Variants in GTF2H1 observed in about 807,000 individuals in gnomAD.
The protein encoded by GTF2H1 is general transcription factor IIH subunit 1.
A neutral mutation model predicts 71.2 loss-of-function variants in GTF2H1; 16 were observed. The observed-to-expected ratio is 0.22, with a 90% CI of 0.15 to 0.34. The LOEUF is 0.34. Among genes scored for constraint, GTF2H1 ranks in the 10% least tolerant of loss-of-function variants. The pLI is 1.00. For synonymous variants in GTF2H1, 215 were observed against 219.0 expected (o/e 0.98, Z 0.16); for missense variants, 498 against 648.2 (o/e 0.77, Z 2.52).
chr11:18,346,733 C>CTTTTTTTTTTTTT lies in GTF2H1; in HGVS notation c.838-845_838-833dup, dbSNP rs35494754. Among the ~76,000 whole-genome samples the CTTTTTTTTTTTTT allele has an allele frequency of 4.2e-3, 358 of 85,216 alleles. 3 individuals are homozygous for CTTTTTTTTTTTTT. Among genetic ancestry groups the CTTTTTTTTTTTTT allele is most frequent in the East Asian group, 5.8e-3 (14 of 2,426 alleles). 55.9% of individuals were successfully genotyped at this position (85,216 alleles called of 152,430 possible). A position where few individuals can be genotyped will look rare whatever the true frequency, so the allele number is the denominator to read the frequency against. ...CACTATATTCTATTCTTTTTATTTA[C>CTTTTTTTTTTTTT]TTTTTTTTTTTTTTTTTTTTTTGAG... On this transcript the variant is annotated intron_variant, in intron 7 of 14. Coordinates refer to ENST00000265963, the MANE Select transcript of GTF2H1 (RefSeq NM_005316.4).
intron 2 of GTF2H1, 115 bp from the exon 3 acceptor site, chr11:18,335,639 A>G: frequency 1.5e-6 from 1 of 689,386 alleles, no homozygotes. Flanking sequence ...CAGTATTGGA[A>G]TAGGGCAGTT....
intron 11 of GTF2H1, 144 bp downstream of exon 11, chr11:18,352,590 G>A (rs1590195279): frequency 2.1e-6 from 1 of 484,642 alleles, no homozygotes; most frequent in African/African-American, 2.0e-5. Context: ...AAATCAAGAG[G>A]TAGCAAGAAA....
chr11:18,323,906 A>G (rs933857419), intron 1 of GTF2H1, among the ~76,000 whole-genome samples: 14 of 152,224 alleles, frequency 9.2e-5, no homozygotes, highest in South Asian at 8.3e-4. Context: ...AGAGGTCACA[A>G]CCGCAGGGAA....
intron 1 of GTF2H1, among the ~76,000 whole-genome samples, chr11:18,327,218 T>G (rs1264067303): frequency 6.6e-6 from 1 of 152,118 alleles, no homozygotes; most frequent in Non-Finnish European, 1.5e-5. Context: ...TTTGGTTTGA[T>G]AGAGAAGAAA....
chr11:18,328,394 C>T (rs1037579602), intron 1 of GTF2H1, among the ~76,000 whole-genome samples: 1 of 151,224 alleles, frequency 6.6e-6, no homozygotes, highest in African/African-American at 2.4e-5. Context: ...AACCTGTAAT[C>T]CCAGCTACTT....
Position 18,360,650 on chromosome 11 carries a change from A to G in GTF2H1, c.1503A>G (p.Gln501=). ...VKMKSNLERF[Q]VTKLCPFQEK... ...TGAAAAGTAATTTGGAACGATTCCA[A>G]GTTACGAAGCTCTGTCCATTCCAAG... Residue 501 remains glutamine, a synonymous_variant, in exon 14 of 15, where the codon CAA becomes CAG. Transcript: ENST00000265963. 2 of 1,566,268 alleles carry G rather than the reference A, an allele frequency of 1.3e-6. No homozygotes were observed. The highest frequency in any genetic ancestry group is 1.7e-6 in the Non-Finnish European group (2 of 1,159,972).
intron 11 of GTF2H1, among the ~76,000 whole-genome samples, chr11:18,354,019 T>C (rs1865484771): frequency 6.6e-6 from 1 of 152,258 alleles, no homozygotes; most frequent in East Asian, 1.9e-4. Flanking sequence ...GCTGGGTTTA[T>C]GAGTTGTATT....
chr11:18,358,224 C>T (rs1865607940), intron 12 of GTF2H1, 182 bp downstream of exon 12: 9 of 606,614 alleles, frequency 1.5e-5, no homozygotes, highest in Middle Eastern at 3.0e-4. Context: ...GTTTCAGAAC[C>T]GTCTTACTAT....
intron 7 of GTF2H1, among the ~76,000 whole-genome samples, chr11:18,344,861 C>T (rs1338291391): frequency 6.6e-6 from 1 of 152,100 alleles, no homozygotes; most frequent in Non-Finnish European, 1.5e-5. Flanking sequence ...AACTGATCTT[C>T]TACCTGCTTG....
chr11:18,359,004 C>A (rs950388130), intron 13 of GTF2H1, among the ~76,000 whole-genome samples: 2 of 152,170 alleles, frequency 1.3e-5, no homozygotes, highest in East Asian at 3.8e-4. Context: ...AAATATAGCA[C>A]TAGCTTTTTA....
chr11:18,331,365 A>G (rs932363487), intron 1 of GTF2H1, among the ~76,000 whole-genome samples: 4 of 151,944 alleles, frequency 2.6e-5, no homozygotes, highest in Non-Finnish European at 5.9e-5. Context: ...CATATTTATT[A>G]ATCTTAAGAG....
chr11:18,365,557 G>A (rs1202279019), intron 14 of GTF2H1, among the ~76,000 whole-genome samples: 1 of 152,082 alleles, frequency 6.6e-6, no homozygotes, highest in Non-Finnish European at 1.5e-5. Context: ...TGACAGGACA[G>A]CCATTACAAC....
intron 2 of GTF2H1, 42 bp from the exon 3 acceptor site, chr11:18,335,712 G>A (rs1293736186): frequency 1.4e-6 from 2 of 1,416,546 alleles, no homozygotes; most frequent in Admixed American, 3.5e-5. Context: ...TATTCCCACA[G>A]TGTGAGTGTC....
chr11:18,351,694 C>T, intron 9 of GTF2H1, 187 bp from the exon 10 acceptor site: 1 of 431,918 alleles, frequency 2.3e-6, no homozygotes, highest in Non-Finnish European at 4.3e-6. Context: ...TGTAAGAAAA[C>T]TAGTATTCTT....
intron 4 of GTF2H1, 114 bp from the exon 5 acceptor site, chr11:18,339,450 G>A: frequency 1.5e-6 from 1 of 650,250 alleles, no homozygotes; most frequent in Non-Finnish European, 2.7e-6. Flanking sequence ...GACTTTCTCT[G>A]TCTATGCAGT....
At chr11:18,337,171 G>A (rs977011359) in intron 3 of GTF2H1, among the ~76,000 whole-genome samples, 1 of 152,174 alleles carries the variant, frequency 6.6e-6, no homozygotes, top group African/African-American at 2.4e-5. Context: ...GCTCATGCCT[G>A]TAGTCTCAGC....
In GTF2H1 at chr11:18,323,847, T is replaced by G. The variant is rs529988348; in HGVS notation, c.-16+1107T>G. Among the ~76,000 whole-genome samples, 12 of 152,312 alleles carry G rather than the reference T, an allele frequency of 7.9e-5. No individual in the cohort carries two copies. In the East Asian group the frequency reaches 2.1e-3, roughly 27 times the overall value. On this transcript the variant is annotated intron_variant, in intron 1 of 14. Transcript: ENST00000265963. ...TGGACTTAGGTAATTAAGCCAAAGTTGCCAACCTTAAGATTTTTTAAAAGA... is the reference window on the plus strand; with the variant it reads ...TGGACTTAGGTAATTAAGCCAAAGTGGCCAACCTTAAGATTTTTTAAAAGA...
chr11:18,327,310 A>G lies in GTF2H1; in HGVS notation c.-16+4570A>G, dbSNP rs543273208. ...ATAGATCAGAAAAGAGAACATTTAAATCATCTGTATTTTTATCACCCATAG... is the reference window on the plus strand; with the variant it reads ...ATAGATCAGAAAAGAGAACATTTAAGTCATCTGTATTTTTATCACCCATAG... On this transcript the variant is annotated intron_variant, in intron 1 of 14. Coordinates refer to ENST00000265963, the MANE Select transcript of GTF2H1 (RefSeq NM_005316.4). 4.0e-5 allele frequency among the ~76,000 whole-genome samples: 6 copies of G among 149,540 alleles called. No individual in the cohort carries two copies. In the South Asian group the frequency reaches 1.0e-3, roughly 26 times the overall value.
intron 1 of GTF2H1, among the ~76,000 whole-genome samples, chr11:18,332,164 G>T (rs1244369645): frequency 6.6e-6 from 1 of 152,160 alleles, no homozygotes; most frequent in African/African-American, 2.4e-5. Context: ...AAAATGTTGC[G>T]GTAAAGCTTC....
Sources: gnomAD v4.1 joint callset for allele counts (sites outside exome capture counted in the v4.1 genomes callset) on GRCh38, gnomAD v4.1.1 for gene constraint, MANE v1.5 for transcripts, NCBI Gene and HGNC (gene_info 2026-07-23, HGNC 2026-07-21) for gene names.